Variants in IQSEC1 observed in about 807,000 individuals in gnomAD.
The protein encoded by IQSEC1 is IQ motif and Sec7 domain ArfGEF 1, also known as IQ motif and SEC7 domain-containing protein 1.
A neutral mutation model predicts 91.0 loss-of-function variants in IQSEC1; 31 were observed. The ratio of observed to expected loss-of-function variants is 0.34; its 90% CI spans 0.26 to 0.46. The LOEUF (loss-of-function observed/expected upper bound fraction) is 0.46, where lower values mean the gene tolerates loss of function less well. IQSEC1 is among the 20% of genes least tolerant of loss of function. The probability of loss-of-function intolerance (pLI) is 1.00; values close to 1 mark genes in which losing one functional copy is unlikely to be tolerated. For synonymous variants in IQSEC1, 699 were observed against 662.6 expected (o/e 1.05, Z -0.84); for missense variants, 1,388 against 1,575.6 (o/e 0.88, Z 2.02).
At chr3:13,024,048 C>T (rs1703510575) in intron 1 of IQSEC1, among the ~76,000 whole-genome samples, 1 of 152,234 alleles carries the variant, frequency 6.6e-6, no homozygotes, top group Admixed American at 6.5e-5. Context: ...ACTTCCCTGT[C>T]ACTTTTCATA....
chr3:13,243,581 T>A (rs1471967947), intron 1 of IQSEC1, among the ~76,000 whole-genome samples: 22 of 152,150 alleles, frequency 1.4e-4, no homozygotes, highest in South Asian at 2.1e-4. Context: ...TACACCCCAG[T>A]AGAAGCTGAG....
chr3:13,038,262 GTATATATATATATATA>G (rs58338571), intron 1 of IQSEC1, among the ~76,000 whole-genome samples: 13 of 101,220 alleles, frequency 1.3e-4, no homozygotes, highest in East Asian at 3.6e-4. Flanking sequence ...GTGTGTGTGT[GTATATATATATATATA>G]TATATATATA....
chr3:13,113,440 C>T (rs1706284262), intron 2 of IQSEC1, among the ~76,000 whole-genome samples: 1 of 152,186 alleles, frequency 6.6e-6, no homozygotes, highest in Non-Finnish European at 1.5e-5. Flanking sequence ...GCTTGCCCAC[C>T]CAGGGTGCTG....
At chr3:13,001,656 A>G (rs1247172552) in intron 1 of IQSEC1, among the ~76,000 whole-genome samples, 1 of 152,242 alleles carries the variant, frequency 6.6e-6, no homozygotes, top group Admixed American at 6.5e-5. Flanking sequence ...TGATGTTTAA[A>G]AATGTATTGT....
chr3:13,025,519 C>T (rs1372296461), intron 1 of IQSEC1, among the ~76,000 whole-genome samples: 1 of 152,182 alleles, frequency 6.6e-6, no homozygotes, highest in Non-Finnish European at 1.5e-5. Flanking sequence ...GGAAGGGGTG[C>T]CCCCTACTCT....
rs1023615328 is a variant in IQSEC1, at chr3:12,994,160, C to CG, written c.24-52296dup. Among the ~76,000 whole-genome samples the CG allele has an allele frequency of 6.8e-6, 1 of 146,222 alleles. No homozygotes were observed. Among genetic ancestry groups the CG allele is most frequent in the Non-Finnish European group, 1.5e-5 (1 of 65,794 alleles). On this transcript the variant is annotated intron_variant, in intron 1 of 13. Transcript: ENST00000613206. This position sits in a 1 kb window ranked among gnomAD's most constrained non-coding sequence, Gnocchi z 4.5. ...CCCCAGAGCGTCCGGTGGCCGGGCGCGGGGGGGCGGGGGCGGGCGCTCGGG... is the reference window on the plus strand; with the variant it reads ...CCCCAGAGCGTCCGGTGGCCGGGCGCGGGGGGGGCGGGGGCGGGCGCTCGGG...
At chr3:13,056,368 C>A (rs1704880517) in intron 1 of IQSEC1, among the ~76,000 whole-genome samples, 1 of 151,914 alleles carries the variant, frequency 6.6e-6, no homozygotes, top group South Asian at 2.1e-4. Context: ...CAGCTTCCAG[C>A]AAACCCTCTA....
chr3:13,069,362 T>G (rs1705339963), intron 1 of IQSEC1, among the ~76,000 whole-genome samples: 1 of 150,648 alleles, frequency 6.6e-6, no homozygotes, highest in South Asian at 2.1e-4. Flanking sequence ...GTGATAATGG[T>G]GAAGGCTCAA....
intron 2 of IQSEC1, among the ~76,000 whole-genome samples, chr3:13,081,029 C>T (rs1176174409): frequency 6.6e-6 from 1 of 152,188 alleles, no homozygotes; most frequent in Non-Finnish European, 1.5e-5. Flanking sequence ...AAGGTTTCTG[C>T]ATACAGTGGG....
intron 1 of IQSEC1, among the ~76,000 whole-genome samples, chr3:13,267,490 C>T (rs1486368217): frequency 6.6e-6 from 1 of 152,172 alleles, no homozygotes; most frequent in African/African-American, 2.4e-5. Flanking sequence ...CTCTGGTTGC[C>T]TCCAGCCAAA....
rs750237622 is a variant in IQSEC1 at position 12,940,473 on chromosome 3, G to A, written c.318+1098C>T. On this transcript the variant is annotated intron_variant, in intron 2 of 13. Coordinates refer to ENST00000613206, the MANE Select transcript of IQSEC1 (RefSeq NM_001134382.3). The surrounding 1 kb of genome is among the most constrained non-coding windows in gnomAD (Gnocchi z 4.4). The stretch of plus-strand genomic sequence containing the variant: ...GAAGATCTGGGAGCAAGCAGAGGGC[G>A]GGCGGGGCCACAGGATGGGTGTGGG... Among the ~76,000 whole-genome samples the A allele has an allele frequency of 3.9e-5, 6 of 151,926 alleles. No individual in the cohort carries two copies. The highest frequency in any genetic ancestry group is 7.4e-5 in the Non-Finnish European group (5 of 67,920).
At chr3:13,030,908 C>G (rs909465887) in intron 1 of IQSEC1, among the ~76,000 whole-genome samples, 4 of 152,256 alleles carry the variant, frequency 2.6e-5, no homozygotes, top group Admixed American at 2.6e-4. Context: ...TCTCCACTTC[C>G]ACGCATGTTT....
In IQSEC1 at chr3:12,967,459, G is replaced by T; in HGVS notation, c.24-25594C>A. On this transcript the variant is annotated intron_variant, in intron 1 of 13. Coordinates refer to ENST00000613206, the MANE Select transcript of IQSEC1 (RefSeq NM_001134382.3). The surrounding 1 kb of genome is among the most constrained non-coding windows in gnomAD (Gnocchi z 5.9). ...GCAGTGCAGGCACCACATGGCGGCCGCAGTGGGAGCGGGCCGGGCCGGGAG... is the reference window on the plus strand; with the variant it reads ...GCAGTGCAGGCACCACATGGCGGCCTCAGTGGGAGCGGGCCGGGCCGGGAG... 2 of 1,515,154 alleles carry T rather than the reference G, an allele frequency of 1.3e-6. No individual in the cohort carries two copies. Among genetic ancestry groups the T allele is most frequent in the South Asian group, 1.2e-5 (1 of 81,312 alleles). 93.9% of individuals were successfully genotyped at this position (1,515,154 alleles called of 1,614,324 possible). A position where few individuals can be genotyped will look rare whatever the true frequency, so the allele number is the denominator to read the frequency against.
At chr3:13,070,545 G>A (rs566872792) in intron 1 of IQSEC1, among the ~76,000 whole-genome samples, 119 of 152,340 alleles carry the variant, frequency 7.8e-4, no homozygotes, top group African/African-American at 2.5e-3. Flanking sequence ...GGCCTGCCGC[G>A]GGTTCTGGGT....
In IQSEC1 at chr3:12,899,850, G is replaced by C. The variant is rs1369349624; in HGVS notation, c.*1133C>G. 2.0e-6 allele frequency: 2 copies of C among 985,200 alleles called. No homozygotes were observed. The highest frequency in any genetic ancestry group is 2.4e-6 in the Non-Finnish European group (2 of 829,920). 61.0% of individuals were successfully genotyped at this position (985,200 alleles called of 1,614,324 possible). A position where few individuals can be genotyped will look rare whatever the true frequency, so the allele number is the denominator to read the frequency against. On this transcript the variant is annotated 3_prime_UTR_variant, in exon 14 of 14. Coordinates refer to ENST00000613206, the MANE Select transcript of IQSEC1 (RefSeq NM_001134382.3). ...GCGGGATGAGGACGTTATGGTGTTG[G>C]GGAGACGAGGATGAGAGCTGGTCAC... is the stretch of plus-strand genomic sequence containing the variant.
rs935072328 is a variant in IQSEC1 at position 12,967,745 on chromosome 3, G to A, written c.24-25880C>T. On this transcript the variant is annotated intron_variant, in intron 1 of 13. Coordinates refer to ENST00000613206, the MANE Select transcript of IQSEC1 (RefSeq NM_001134382.3). This position sits in a 1 kb window ranked among gnomAD's most constrained non-coding sequence, Gnocchi z 5.9. ...GGCCCTGAAGTGGGCGGGGCAGGGC[G>A]GGGGCGGGGCCGGAGGGCGAGCTGG... 9 of 1,041,794 alleles carry A rather than the reference G, an allele frequency of 8.6e-6. No individual in the cohort carries two copies. Among genetic ancestry groups the A allele is most frequent in the Non-Finnish European group, 1.0e-5 (9 of 864,600 alleles). The allele number at this position is 1,041,794 out of a possible 1,614,324, so 64.5% of individuals were successfully genotyped here. A position where few individuals can be genotyped will look rare whatever the true frequency, so the allele number is the denominator to read the frequency against.
At chr3:13,241,701 G>A (rs1406930758) in intron 1 of IQSEC1, among the ~76,000 whole-genome samples, 7 of 152,228 alleles carry the variant, frequency 4.6e-5, no homozygotes, top group African/African-American at 1.2e-4. Context: ...CCCAGTTCCC[G>A]GGCTTCCGTG....
At chr3:13,131,037 A>AAGGAAGGAAAGGAAGGAAGG (rs144089637) in intron 2 of IQSEC1, among the ~76,000 whole-genome samples, 9 of 143,792 alleles carry the variant, frequency 6.3e-5, no homozygotes, top group African/African-American at 2.3e-4. Flanking sequence ...GGAAGGAAGG[A>AAGGAAGGAAAGGAAGGAAGG]AAGGAAGGAA....
chr3:12,984,704 A>C (rs931430300), intron 1 of IQSEC1, among the ~76,000 whole-genome samples: 2 of 152,080 alleles, frequency 1.3e-5, no homozygotes, highest in Non-Finnish European at 2.9e-5. Flanking sequence ...GGACAAAGAT[A>C]AGTCGCTTAC....
Sources: gnomAD v4.1 joint callset for allele counts (sites outside exome capture counted in the v4.1 genomes callset) on GRCh38, gnomAD v4.1.1 for gene constraint, Gnocchi (gnomAD v3.1) non-coding constraint, MANE v1.5 for transcripts, NCBI Gene and HGNC (gene_info 2026-07-23, HGNC 2026-07-21) for gene names.